The following ZNF236 variants were observed in gnomAD, a reference collection of about 807,000 sequenced individuals.
ZNF236 encodes the protein zinc finger protein 236, also known as regulated by glucose.
ZNF236 carries 50 observed loss-of-function variants against 191.2 expected under a neutral mutation model. The ratio of observed to expected loss-of-function variants is 0.26; its 90% CI spans 0.21 to 0.33. The LOEUF (loss-of-function observed/expected upper bound fraction) is 0.33. ZNF236 is among the 10% of genes least tolerant of loss of function. ZNF236 has a pLI of 1.00. For synonymous variants in ZNF236, 907 were observed against 928.8 expected (o/e 0.98, Z 0.43); for missense variants, 1,754 against 2,374.5 (o/e 0.74, Z 5.43).
intron 1 of ZNF236, among the ~76,000 whole-genome samples, chr18:76,842,995 G>A (rs919613016): frequency 2.6e-5 from 4 of 152,204 alleles, no homozygotes; most frequent in African/African-American, 9.6e-5. Context: ...GAAAGCAGGT[G>A]CCTGTGGCTG....
chr18:76,959,827 A>C lies in ZNF236; in HGVS notation c.5242+11A>C, dbSNP rs1186212358. On this transcript the variant is annotated intron_variant, in intron 29 of 30. Coordinates refer to ENST00000320610, the MANE Select transcript of ZNF236 (RefSeq NM_001306089.2). The stretch of plus-strand genomic sequence containing the variant: ...GCCGCATACATACAGGTAACGGGGA[A>C]GGACGTGCTTTTGTTTCCTTACTCT... 1 of 1,611,910 alleles carries C rather than the reference A, an allele frequency of 6.2e-7. No homozygotes were observed. The highest frequency in any genetic ancestry group is 8.5e-7 in the Non-Finnish European group (1 of 1,178,760).
At chr18:76,946,485 C>T (rs1968266544) in intron 26 of ZNF236, among the ~76,000 whole-genome samples, 1 of 152,208 alleles carries the variant, frequency 6.6e-6, no homozygotes, top group Non-Finnish European at 1.5e-5. Context: ...TTGTGTAGTT[C>T]CCTAAAACAT....
intron 10 of ZNF236, 24 bp downstream of exon 10, chr18:76,895,309 C>A: frequency 3.1e-6 from 5 of 1,593,976 alleles, no homozygotes; most frequent in Non-Finnish European, 4.3e-6. Context: ...GCTGGGCCCA[C>A]ACGGGCACTG....
intron 13 of ZNF236, 78 bp from the exon 14 acceptor site, chr18:76,908,242 A>G: frequency 6.0e-6 from 9 of 1,493,780 alleles, no homozygotes; most frequent in South Asian, 5.2e-5. Context: ...ATCAATGACA[A>G]CTCTTTCACT....
chr18:76,860,788 T>C (rs1484805215), intron 3 of ZNF236, among the ~76,000 whole-genome samples: 1 of 152,240 alleles, frequency 6.6e-6, no homozygotes, highest in Non-Finnish European at 1.5e-5. Flanking sequence ...TTGAGAAATA[T>C]GTGTTTTCTG....
At position 76,850,617 on chromosome 18, in the gene ZNF236, T is replaced by C. The variant is rs369645590; in HGVS notation, c.198+949T>C. ...TATTTTACCTGAAGTGTTTTTGTTT[T>C]TTTTTTGAGATGGAGTTTCACTCTG... On this transcript the variant is annotated intron_variant, in intron 2 of 30. Transcript: ENST00000320610. Among the ~76,000 whole-genome samples, 6 of 152,154 alleles carry C rather than the reference T, an allele frequency of 3.9e-5. No homozygotes were observed. In the East Asian group the frequency reaches 5.8e-4, roughly 15 times the overall value.
At chr18:76,827,535 G>A (rs1026266800) in intron 1 of ZNF236, among the ~76,000 whole-genome samples, 4 of 152,170 alleles carry the variant, frequency 2.6e-5, no homozygotes, top group Non-Finnish European at 5.9e-5. Context: ...CTGTGCTAGG[G>A]TCTAGAATAC....
Position 76,970,029 on chromosome 18 carries a change from G to C in ZNF236, c.*1690G>C, listed in dbSNP as rs1968882917. ...GAGGTTTCCTTCCTTGAATGTCAGT[G>C]TGTAAACCTGGCTGTAGCCGCATAT... On this transcript the variant is annotated 3_prime_UTR_variant, in exon 31 of 31. Coordinates refer to ENST00000320610, the MANE Select transcript of ZNF236 (RefSeq NM_001306089.2). 6.5e-6 allele frequency: 1 copy of C among 152,724 alleles called. No individual in the cohort carries two copies. The highest frequency in any genetic ancestry group is 2.1e-4 in the South Asian group (1 of 4,834). The allele number at this position is 152,724 out of a possible 1,614,324, so 9.5% of individuals were successfully genotyped here.
chr18:76,956,324 A>T, intron 28 of ZNF236, 142 bp downstream of exon 28: 1 of 955,868 alleles, frequency 1.0e-6, no homozygotes, highest in Non-Finnish European at 1.6e-6. Context: ...CTAGATGTAG[A>T]TGTATTGTTC....
intron 1 of ZNF236, among the ~76,000 whole-genome samples, chr18:76,823,983 G>T (rs899898417): frequency 1.3e-5 from 2 of 152,190 alleles, no homozygotes; most frequent in Admixed American, 6.5e-5. Flanking sequence ...TTCTAAGGGG[G>T]AGTGGGCGCC....
chr18:76,920,872 C>T (rs183443006), intron 20 of ZNF236, among the ~76,000 whole-genome samples: 5 of 152,310 alleles, frequency 3.3e-5, no homozygotes, highest in East Asian at 1.9e-4. Context: ...AAGGGGCTCT[C>T]AGAATGTCCT....
In ZNF236 at chr18:76,881,292, A is replaced by G. The variant is rs1188758070; in HGVS notation, c.1197A>G (p.Leu399=). 1 of 1,613,806 alleles carries G rather than the reference A, an allele frequency of 6.2e-7. No individual in the cohort carries two copies. Among genetic ancestry groups the G allele is most frequent in the African/African-American group, 1.3e-5 (1 of 74,904 alleles). Residue 399 remains leucine (L), a synonymous_variant, in exon 9 of 31, where the codon TTA becomes TTG. Coordinates refer to ENST00000320610, the MANE Select transcript of ZNF236 (RefSeq NM_001306089.2). ...GTTTTGTTCTGTCTTAGCAAGCCTTAGAAAACAGTGGGCTGTCTTCAATTC... is the reference window on the plus strand; with the variant it reads ...GTTTTGTTCTGTCTTAGCAAGCCTTGGAAAACAGTGGGCTGTCTTCAATTC... ...GINQDILQQA[L]ENSGLSSIPA...
intron 7 of ZNF236, among the ~76,000 whole-genome samples, chr18:76,879,186 T>C (rs1976802063): frequency 6.6e-6 from 1 of 152,138 alleles, no homozygotes; most frequent in Non-Finnish European, 1.5e-5. Context: ...TCTAGAAAAA[T>C]AGTCCAGATC....
At position 76,944,079 on chromosome 18, in the gene ZNF236, C is replaced by T. The variant is rs533238522; in HGVS notation, c.4783-3442C>T. On this transcript the variant is annotated intron_variant, in intron 26 of 30. Coordinates refer to ENST00000320610, the MANE Select transcript of ZNF236 (RefSeq NM_001306089.2). ...TTTTACAGCATTTCCCAGATTCAGT[C>T]GAACATTGACATTCCTGGGTCTCAG... Among the ~76,000 whole-genome samples the T allele has an allele frequency of 2.6e-5, 4 of 152,302 alleles. No individual in the cohort carries two copies. In the South Asian group the frequency reaches 8.3e-4, roughly 32 times the overall value.
intron 1 of ZNF236, among the ~76,000 whole-genome samples, chr18:76,835,980 C>A (rs915787450): frequency 1.3e-5 from 2 of 152,020 alleles, no homozygotes; most frequent in African/African-American, 4.8e-5. Context: ...CAATCTTGGC[C>A]CACTGCAACC....
At chr18:76,884,698 G>T (rs1568212018) in intron 9 of ZNF236, among the ~76,000 whole-genome samples, 1 of 152,150 alleles carries the variant, frequency 6.6e-6, no homozygotes, top group Admixed American at 6.5e-5. Flanking sequence ...CAGTCCACGG[G>T]CTCCAGGATG....
At chr18:76,932,707 T>G (rs937372626) in intron 25 of ZNF236, among the ~76,000 whole-genome samples, 1 of 152,216 alleles carries the variant, frequency 6.6e-6, no homozygotes, top group Non-Finnish European at 1.5e-5. Context: ...CTGAACATCC[T>G]TAGTGAGCCC....
intron 1 of ZNF236, among the ~76,000 whole-genome samples, chr18:76,846,918 C>T (rs1975701888): frequency 1.3e-5 from 2 of 152,068 alleles, no homozygotes; most frequent in South Asian, 4.1e-4. Flanking sequence ...CCTCAGCCTC[C>T]CTTGTAGCTG....
chr18:76,934,468 G>T (rs1967942668), intron 25 of ZNF236, among the ~76,000 whole-genome samples: 7 of 152,144 alleles, frequency 4.6e-5, no homozygotes, highest in Admixed American at 4.6e-4. Context: ...TTATCTTTTT[G>T]TTCTTACCTT....
Sources: gnomAD v4.1 joint callset for allele counts (sites outside exome capture counted in the v4.1 genomes callset) on GRCh38, gnomAD v4.1.1 for gene constraint, MANE v1.5 for transcripts, NCBI Gene and HGNC (gene_info 2026-07-23, HGNC 2026-07-21) for gene names.